RBM4: variants seen among roughly 807,000 people sequenced by gnomAD.
RBM4 encodes RNA binding motif protein 4, also known as RNA-binding protein 4.
A neutral mutation model predicts 29.5 loss-of-function variants in RBM4; 7 were observed. The ratio of observed to expected loss-of-function variants is 0.24; its 90% CI spans 0.14 to 0.45. The LOEUF is 0.45. RBM4 is among the 20% of genes least tolerant of loss of function. RBM4 has a pLI of 1.00. For synonymous variants in RBM4, 220 were observed against 205.4 expected (o/e 1.07, Z -0.61); for missense variants, 387 against 502.3 (o/e 0.77, Z 2.19).
At chr11:66,641,324 G>C (rs961384190) in intron 2 of RBM4, 2 of 152,124 alleles carry the variant, frequency 1.3e-5, no homozygotes, top group African/African-American at 4.8e-5. Flanking sequence ...CTTAAATTGG[G>C]CTTTTTTAGA....
intron 2 of RBM4, among the ~76,000 whole-genome samples, chr11:66,658,268 T>C (rs1938991420): frequency 1.4e-5 from 2 of 146,500 alleles, no homozygotes; most frequent in Non-Finnish European, 3.0e-5. Flanking sequence ...CCTCAGGTAA[T>C]CCGCCTGCCT....
At chr11:66,649,165 C>T (rs1008403266), downstream of RBM4, among the ~76,000 whole-genome samples, 3 of 151,980 alleles carry the variant, frequency 2.0e-5, no homozygotes, top group Non-Finnish European at 2.9e-5. Flanking sequence ...TGCCACCACA[C>T]CTGGCTAATT....
At position 66,643,396 on chromosome 11, in the gene RBM4, G is replaced by A. The variant is rs1158077887; in HGVS notation, c.413-54G>A. On this transcript the variant is annotated intron_variant, in intron 2 of 3. Transcript: ENST00000310092. The surrounding 1 kb of genome is among the most constrained non-coding windows in gnomAD (Gnocchi z 6.1). ...GCTATGACCAGTGTCTGGGGTAGGGGCTGGGGCTATGACTAAGAGTGATAG... is the reference window on the plus strand; with the variant it reads ...GCTATGACCAGTGTCTGGGGTAGGGACTGGGGCTATGACTAAGAGTGATAG... The A allele has an allele frequency of 2.6e-6, 4 of 1,554,920 alleles. No homozygotes were observed. The highest frequency in any genetic ancestry group is 2.7e-5 in the African/African-American group (2 of 73,732).
intron 2 of RBM4, among the ~76,000 whole-genome samples, chr11:66,663,502 C>A (rs1939124226): frequency 6.6e-6 from 1 of 152,072 alleles, no homozygotes; most frequent in South Asian, 2.1e-4. Context: ...GTAGCTGGGA[C>A]TACAGGCGCC....
At chr11:66,666,501 G>A in exon 3 of RBM4, 9 of 969,040 alleles carry the variant, frequency 9.3e-6, no homozygotes, top group Non-Finnish European at 1.1e-5. Flanking sequence ...CACCTGGAAG[G>A]TAAGTTTCTT....
intron 2 of RBM4, among the ~76,000 whole-genome samples, chr11:66,655,396 C>T (rs899796634): frequency 1.3e-5 from 2 of 151,764 alleles, no homozygotes; most frequent in Non-Finnish European, 2.9e-5. Context: ...CTCAGTTGGT[C>T]CTCCTACCCC....
intron 2 of RBM4, chr11:66,665,473 G>A (rs1939190435): frequency 1.2e-6 from 1 of 865,090 alleles, no homozygotes; most frequent in Non-Finnish European, 1.8e-6. Context: ...AACTCCTTTT[G>A]TTTACTGAAA....
At chr11:66,649,185 T>G (rs1157312464), downstream of RBM4, among the ~76,000 whole-genome samples, 1 of 152,022 alleles carries the variant, frequency 6.6e-6, no homozygotes, top group Non-Finnish European at 1.5e-5. Context: ...TTTTGTATTT[T>G]TAGTAGAGAT....
intron 2 of RBM4, among the ~76,000 whole-genome samples, chr11:66,654,732 A>G (rs1044791256): frequency 3.5e-5 from 5 of 141,628 alleles, no homozygotes; most frequent in African/African-American, 1.3e-4. Flanking sequence ...TGCCCAGCCT[A>G]GTCTTGAACT....
chr11:66,658,607 A>G (rs1326175927), intron 2 of RBM4, among the ~76,000 whole-genome samples: 1 of 151,962 alleles, frequency 6.6e-6, no homozygotes, highest in Admixed American at 6.6e-5. Flanking sequence ...AGAGACATAT[A>G]CAGTGCTGCG....
chr11:66,649,718 T>G, downstream of RBM4: 1 of 701,900 alleles, frequency 1.4e-6, no homozygotes, highest in East Asian at 2.7e-5. Context: ...GTACTTTTTC[T>G]TGCTTTTTGT....
downstream of RBM4, among the ~76,000 whole-genome samples, chr11:66,647,790 C>G (rs1481431437): frequency 1.3e-5 from 2 of 152,054 alleles, no homozygotes; most frequent in Non-Finnish European, 2.9e-5. Context: ...TCTGAGGGAG[C>G]AGAAAATGCA....
At chr11:66,646,003 C>G (rs1387110773) in intron 3 of RBM4, 24 bp from the exon 4 acceptor site, 1 of 1,535,926 alleles carries the variant, frequency 6.5e-7, no homozygotes, top group African/African-American at 1.4e-5. Context: ...TGCTGTAAAG[C>G]CGCTGTATTG....
In RBM4 at chr11:66,639,685, G is replaced by T. The variant is rs1158301435; in HGVS notation, c.-12-15G>T. ...CCTGAGGTCTTTTGTCAGATGTCTT[G>T]TTTTTCTCTCCCAGGCTCTTGTCAG... On this transcript the variant is annotated splice_polypyrimidine_tract_variant and intron_variant, in intron 1 of 3. Coordinates refer to ENST00000310092, the MANE Select transcript of RBM4 (RefSeq NM_002896.4). The T allele has an allele frequency of 6.2e-7, 1 of 1,606,502 alleles. No homozygotes were observed. The highest frequency in any genetic ancestry group is 2.2e-5 in the East Asian group (1 of 44,698).
At position 66,643,528 on chromosome 11, in the gene RBM4, G is replaced by T; in HGVS notation, c.491G>T (p.Arg164Leu). Residue 164 changes from arginine to leucine, a missense_variant, in exon 3 of 4, where the codon CGG becomes CTG. Transcript: ENST00000310092. The surrounding 1 kb of genome is among the most constrained non-coding windows in gnomAD (Gnocchi z 6.1). The part of the protein sequence containing the change: ...PGMGDQSGCY[R>L]CGKEGHWSKE... ...ATGGGAGACCAGAGCGGCTGCTATC[G>T]GTGCGGGAAAGAGGGGCACTGGTCC... 2 of 1,614,122 alleles carry T rather than the reference G, an allele frequency of 1.2e-6. No homozygotes were observed. The highest frequency in any genetic ancestry group is 1.7e-6 in the Non-Finnish European group (2 of 1,180,026).
intron 3 of RBM4, chr11:66,644,826 C>T (rs1938622247): frequency 2.5e-6 from 1 of 407,500 alleles, no homozygotes; most frequent in Non-Finnish European, 3.3e-6. Context: ...TAACACTCAC[C>T]TTCTCTGCCC....
chr11:66,640,525 C>CA, intron 2 of RBM4: 1 of 373,472 alleles, frequency 2.7e-6, no homozygotes, highest in Non-Finnish European at 4.8e-6. Flanking sequence ...AAGAACCTCT[C>CA]AAAAACATGT....
intron 2 of RBM4, among the ~76,000 whole-genome samples, chr11:66,659,333 C>T (rs1029730124): frequency 2.1e-5 from 3 of 139,984 alleles, no homozygotes; most frequent in Non-Finnish European, 4.5e-5. Context: ...TGCAGTGGCG[C>T]GATCTCGGCT....
At chr11:66,640,753 T>A (rs1000177182) in intron 2 of RBM4, 1 of 152,604 alleles carries the variant, frequency 6.6e-6, no homozygotes, top group African/African-American at 2.4e-5. Flanking sequence ...TTCATTGGTT[T>A]GGGGGGCTGG....
Sources: gnomAD v4.1 joint callset for allele counts (sites outside exome capture counted in the v4.1 genomes callset) on GRCh38, gnomAD v4.1.1 for gene constraint, Gnocchi (gnomAD v3.1) non-coding constraint, MANE v1.5 for transcripts, NCBI Gene and HGNC (gene_info 2026-07-23, HGNC 2026-07-21) for gene names.